TG: variants seen among roughly 807,000 people sequenced by gnomAD.
TG encodes the protein thyroid hormones.
In TG, 270 loss-of-function variants were observed where a neutral mutation model predicts 324.7. The ratio of observed to expected loss-of-function variants is 0.83; its 90% CI spans 0.75 to 0.92. The LOEUF (loss-of-function observed/expected upper bound fraction) is 0.92. TG is among the 40% of genes least tolerant of loss of function. TG has a pLI of 0.00. For synonymous variants in TG, 1,401 were observed against 1,327.0 expected, an observed-to-expected ratio of 1.06 and a Z score of -1.21; for missense variants, 3,591 against 3,456.4, an observed-to-expected ratio of 1.04 and a Z score of -0.98.
At chr8:132,943,659 G>A (rs916889877) in intron 26 of TG, among the ~76,000 whole-genome samples, 1 of 151,932 alleles carries the variant, frequency 6.6e-6, no homozygotes. Flanking sequence ...CATGACCTCC[G>A]ACCTTCCCTC....
At chr8:133,004,244 T>A (rs892507768) in intron 35 of TG, among the ~76,000 whole-genome samples, 1 of 152,196 alleles carries the variant, frequency 6.6e-6, no homozygotes, top group African/African-American at 2.4e-5. Flanking sequence ...CACCAAGACC[T>A]TTAACCACCA....
chr8:133,004,770 G>A (rs912293280), intron 35 of TG, among the ~76,000 whole-genome samples: 7 of 152,156 alleles, frequency 4.6e-5, no homozygotes, highest in Admixed American at 3.9e-4. Flanking sequence ...CATAGGTGGT[G>A]AGTGCTGTGA....
At chr8:132,883,550 A>G (rs759474951) in intron 8 of TG, among the ~76,000 whole-genome samples, 4 of 152,208 alleles carry the variant, frequency 2.6e-5, no homozygotes, top group Admixed American at 6.5e-5. Flanking sequence ...TTGCTGGAGT[A>G]TGAATAGGGT....
At chr8:133,013,229 G>T (rs752350332) in intron 36 of TG, among the ~76,000 whole-genome samples, 14 of 152,358 alleles carry the variant, frequency 9.2e-5, no homozygotes, top group Non-Finnish European at 1.3e-4. Flanking sequence ...CAGTGCCTAG[G>T]ATTTATTGTA....
chr8:133,106,126 C>G (rs1419901920), intron 43 of TG, among the ~76,000 whole-genome samples: 1 of 152,106 alleles, frequency 6.6e-6, no homozygotes, highest in African/African-American at 2.4e-5. Flanking sequence ...CTGAAAGAGC[C>G]AGTGGGGGGG....
In TG at chr8:133,134,659, T is replaced by G. The variant is rs767049967; in HGVS notation, c.8189-17T>G. 1 of 1,611,722 alleles carries G rather than the reference T, an allele frequency of 6.2e-7. No individual in the cohort carries two copies. The highest frequency in any genetic ancestry group is 1.7e-4 in the Middle Eastern group (1 of 5,980). ...CTAATCTGGCTTGGACCAACCTTCCTTGCCCCTCTGTTTCAGATGGAGCCA... is the reference window on the plus strand; with the variant it reads ...CTAATCTGGCTTGGACCAACCTTCCGTGCCCCTCTGTTTCAGATGGAGCCA... On this transcript the variant is annotated splice_polypyrimidine_tract_variant and intron_variant, in intron 47 of 47. Coordinates refer to ENST00000220616, the MANE Select transcript of TG (RefSeq NM_003235.5).
chr8:133,061,903 A>C (rs988401746), intron 41 of TG, among the ~76,000 whole-genome samples: 22 of 152,218 alleles, frequency 1.4e-4, no homozygotes, highest in Non-Finnish European at 1.0e-4. Flanking sequence ...TGAGACTCCT[A>C]CTATATTAAG....
At chr8:133,080,046 T>C (rs1845506999) in intron 41 of TG, among the ~76,000 whole-genome samples, 1 of 152,082 alleles carries the variant, frequency 6.6e-6, no homozygotes. Flanking sequence ...GAGAAATAAA[T>C]GAGTAAAGTC....
chr8:132,913,147 A>T lies in TG; in HGVS notation c.4260A>T (p.Glu1420Asp). 6.2e-7 allele frequency: 1 copy of T among 1,614,142 alleles called. No homozygotes were observed. The highest frequency in any genetic ancestry group is 8.5e-7 in the Non-Finnish European group (1 of 1,180,010). ...LHLDSKTFPA[E>D]TIRFLQGDHF... Reference sequence around the variant, plus strand: ...TGGACTCCAAGACGTTCCCAGCGGAAACCATCCGCTTCCTCCAAGGGGACC... The same window carrying T: ...TGGACTCCAAGACGTTCCCAGCGGATACCATCCGCTTCCTCCAAGGGGACC... The change falls in exon 20 of 48, where the codon GAA becomes GAT. Residue 1420 changes from glutamate (E) to aspartate (D), a missense_variant. By Grantham distance (45) the Glu-to-Asp change is conservative. Transcript: ENST00000220616.
chr8:133,084,030 A>T (rs77712550), intron 41 of TG, among the ~76,000 whole-genome samples: 1 of 152,106 alleles, frequency 6.6e-6, no homozygotes, highest in South Asian at 2.1e-4. Context: ...TCCTGTGCTC[A>T]TGAGGCCATT....
intron 35 of TG, among the ~76,000 whole-genome samples, chr8:132,986,487 AGT>A (rs1460543440): frequency 2.6e-5 from 4 of 152,056 alleles, no homozygotes; most frequent in African/African-American, 4.8e-5. Context: ...GTATATACGT[AGT>A]GACTCATTCA....
At chr8:132,886,358 G>T in intron 8 of TG, 90 bp from the exon 9 acceptor site, 3 of 1,552,170 alleles carry the variant, frequency 1.9e-6, no homozygotes, top group Non-Finnish European at 2.7e-6. Flanking sequence ...GAATGTTCTG[G>T]CTTCTTACTA....
intron 41 of TG, chr8:133,060,182 C>T (rs199698295): frequency 2.3e-5 from 37 of 1,612,960 alleles, no homozygotes; most frequent in Middle Eastern, 1.7e-4. Flanking sequence ...TCCCTGGGGC[C>T]GCTGGTGATG....
chr8:132,897,934 A>G, intron 12 of TG, 148 bp downstream of exon 12: 4 of 1,050,854 alleles, frequency 3.8e-6, no homozygotes, highest in Non-Finnish European at 5.7e-6. Flanking sequence ...TCGGGCCTCC[A>G]GTTATCTCAC....
chr8:132,970,465 C>T (rs1050408866), intron 32 of TG, among the ~76,000 whole-genome samples: 2 of 152,132 alleles, frequency 1.3e-5, no homozygotes, highest in Admixed American at 6.5e-5. Context: ...AGAATCTGAC[C>T]TTTAAGGAAG....
intron 41 of TG, among the ~76,000 whole-genome samples, chr8:133,054,313 G>A (rs1840950780): frequency 1.3e-5 from 2 of 152,174 alleles, no homozygotes; most frequent in African/African-American, 2.4e-5. Flanking sequence ...CATATGCACT[G>A]CGCATGAAAG....
chr8:132,995,401 AGTCT>A lies in TG; in HGVS notation c.6262+11996_6262+11999del. ...TGGAGGGCAACGGTGCCGCCTTAGG[AGTCT>A]GTCTGTGTTCAAGGCAGCTGTGTGA... On this transcript the variant is annotated intron_variant, in intron 35 of 47. Coordinates refer to ENST00000220616, the MANE Select transcript of TG (RefSeq NM_003235.5). 6.1e-6 allele frequency: 6 copies of A among 985,090 alleles called. No homozygotes were observed. In the South Asian group the frequency reaches 2.8e-4, roughly 46 times the overall value. The allele number at this position is 985,090 out of a possible 1,614,324, so 61.0% of individuals were successfully genotyped here. A position where few individuals can be genotyped will look rare whatever the true frequency, so the allele number is the denominator to read the frequency against.
intron 16 of TG, among the ~76,000 whole-genome samples, chr8:132,903,199 G>GC (rs1818174919): frequency 6.6e-6 from 1 of 152,216 alleles, no homozygotes; most frequent in Admixed American, 6.5e-5. Context: ...AAGAACTTTG[G>GC]CCTCCTCTCC....
intron 18 of TG, among the ~76,000 whole-genome samples, chr8:132,909,759 C>T (rs1246868802): frequency 6.6e-6 from 1 of 152,162 alleles, no homozygotes; most frequent in Non-Finnish European, 1.5e-5. Flanking sequence ...CTTGGAGAGT[C>T]AGTTTAAGTG....
Sources: allele counts gnomAD v4.1 joint callset (sites outside exome capture counted in the v4.1 genomes callset), GRCh38; gene constraint gnomAD v4.1.1; transcripts MANE v1.5; gene names NCBI Gene and HGNC (gene_info 2026-07-23, HGNC 2026-07-21).